Variants in RADIL observed in about 807,000 individuals in gnomAD.
RADIL encodes Rap associating with DIL domain.
Under a neutral mutation model 97.6 loss-of-function variants are expected in RADIL, and 99 were observed. The observed-to-expected ratio is 1.01, with a 90% CI of 0.86 to 1.20. The LOEUF is 1.20. Among genes scored for constraint, RADIL ranks in the 50% most tolerant of loss-of-function variants. RADIL has a pLI of 0.00. For synonymous variants in RADIL, 803 were observed against 691.8 expected, an observed-to-expected ratio of 1.16 and a Z score of -2.52; for missense variants, 1,765 against 1,498.9, an observed-to-expected ratio of 1.18 and a Z score of -2.93.
At chr7:4,831,846 C>G (rs993860128) in intron 5 of RADIL, among the ~76,000 whole-genome samples, 1 of 152,072 alleles carries the variant, frequency 6.6e-6, no homozygotes, top group Non-Finnish European at 1.5e-5. Flanking sequence ...AGAGATTGCA[C>G]CACTGCACTC....
chr7:4,797,909 G>C lies in RADIL; in HGVS notation c.*1469C>G, dbSNP rs565427677. The C allele has an allele frequency of 6.6e-6, 1 of 152,086 alleles. No homozygotes were observed. The highest frequency in any genetic ancestry group is 2.1e-4 in the South Asian group (1 of 4,824). 9.4% of individuals were successfully genotyped at this position (152,086 alleles called of 1,614,324 possible). A position where few individuals can be genotyped will look rare whatever the true frequency, so the allele number is the denominator to read the frequency against. On this transcript the variant is annotated 3_prime_UTR_variant, in exon 15 of 15. Transcript: ENST00000399583. ...GAATTGCTTGAACCTGGGAGGTGGA[G>C]GTTGCAGTGAGCTGAGATTGCACCA...
chr7:4,876,057 G>T (rs991193400), intron 2 of RADIL, among the ~76,000 whole-genome samples: 3 of 152,078 alleles, frequency 2.0e-5, no homozygotes, highest in Non-Finnish European at 4.4e-5. Context: ...AGAGTGCAGT[G>T]GTACAATCCT....
In RADIL at chr7:4,877,964, A is replaced by AGCTGGGTGGAGAGCTCG. The variant is rs747408853; in HGVS notation, c.159_175dup (p.Leu59ProfsTer13). On this transcript the variant is annotated frameshift_variant, in exon 2 of 15. Transcript: ENST00000399583. LOFTEE classifies it high-confidence loss of function. ...CACCTTCAGGACACCAGGGGCCGAC[A>AGCTGGGTGGAGAGCTCG]GCTGGGTGGAGAGCTCGGCGGGGTC... 1 of 1,611,536 alleles carries AGCTGGGTGGAGAGCTCG rather than the reference A, an allele frequency of 6.2e-7. No homozygotes were observed.
intron 2 of RADIL, among the ~76,000 whole-genome samples, chr7:4,866,297 A>G (rs1784129537): frequency 6.6e-6 from 1 of 152,148 alleles, no homozygotes. Context: ...GCACCCAGCC[A>G]CATCTTTGTT....
chr7:4,821,479 C>T lies in RADIL; in HGVS notation c.1615+915G>A. Among the ~76,000 whole-genome samples the T allele has an allele frequency of 6.6e-6, 1 of 152,234 alleles. No individual in the cohort carries two copies. Among genetic ancestry groups the T allele is most frequent in the Non-Finnish European group, 1.5e-5 (1 of 68,048 alleles). On this transcript the variant is annotated intron_variant, in intron 6 of 14. Transcript: ENST00000399583. This position sits in a 1 kb window ranked among gnomAD's most constrained non-coding sequence, Gnocchi z 5.2. ...CTACCCCGGCTTCCGGGCCCGGCCC[C>T]ATGCCACCTTCCTCTCGAAGCCCCC...
Position 4,835,147 on chromosome 7 carries a change from G to GA in RADIL, c.875_876insT (p.Ile293HisfsTer118). 6.2e-7 allele frequency: 1 copy of GA among 1,610,872 alleles called. No individual in the cohort carries two copies. Among genetic ancestry groups the GA allele is most frequent in the Non-Finnish European group, 8.5e-7 (1 of 1,179,062 alleles). ...GGATGGTGCAGTGTAGAGGCAGGAT[G>GA]TCGGGGGCTGAGAGGCTGATGCTGG... On this transcript the variant is annotated frameshift_variant, in exon 4 of 15. Coordinates refer to ENST00000399583, the MANE Select transcript of RADIL (RefSeq NM_018059.5). LOFTEE classifies it high-confidence loss of function. This position sits in a 1 kb window ranked among gnomAD's most constrained non-coding sequence, Gnocchi z 5.8.
At chr7:4,806,903 T>G (rs970870570) in intron 9 of RADIL, among the ~76,000 whole-genome samples, 1 of 152,172 alleles carries the variant, frequency 6.6e-6, no homozygotes, top group African/African-American at 2.4e-5. Flanking sequence ...GGGTCTGCCT[T>G]GTACTGATTC....
At chr7:4,816,808 C>G (rs1043109546) in intron 7 of RADIL, among the ~76,000 whole-genome samples, 36 of 152,116 alleles carry the variant, frequency 2.4e-4, no homozygotes. Flanking sequence ...TCACCACTCC[C>G]CCAGAAAGTG....
chr7:4,870,082 G>A (rs542873664), intron 2 of RADIL, among the ~76,000 whole-genome samples: 1 of 152,370 alleles, frequency 6.6e-6, no homozygotes, highest in Admixed American at 6.5e-5. Context: ...CGAGGCTGCA[G>A]TGAGCCATGA....
At chr7:4,809,561 AC>A in intron 9 of RADIL, 1 of 985,410 alleles carries the variant, frequency 1.0e-6, no homozygotes, top group African/African-American at 1.7e-5. Flanking sequence ...CCCAGGCACC[AC>A]GGCAGGTCCC....
At position 4,817,923 on chromosome 7, in the gene RADIL, G is replaced by A. The variant is rs1258562260; in HGVS notation, c.1616-572C>T. Among the ~76,000 whole-genome samples, 1 of 152,208 alleles carries A rather than the reference G, an allele frequency of 6.6e-6. No homozygotes were observed. Among genetic ancestry groups the A allele is most frequent in the African/African-American group, 2.4e-5 (1 of 41,454 alleles). On this transcript the variant is annotated intron_variant, in intron 6 of 14. Transcript: ENST00000399583. The surrounding 1 kb of genome is among the most constrained non-coding windows in gnomAD (Gnocchi z 8.3). ...TCTGGGTGGGGGCTCTTGTGAAGGT[G>A]GGAGGCCCCCAACAGGGTGGAGCCT...
chr7:4,861,831 A>ACCACC, intron 2 of RADIL: 3 of 1,262,570 alleles, frequency 2.4e-6, no homozygotes, highest in Non-Finnish European at 2.0e-6. Context: ...CCGCCCCGCC[A>ACCACC]GGGCACGTCC....
chr7:4,846,507 G>A (rs1464897102), intron 2 of RADIL, among the ~76,000 whole-genome samples: 1 of 149,188 alleles, frequency 6.7e-6, no homozygotes, highest in African/African-American at 2.5e-5. Flanking sequence ...TTGCCATCTA[G>A]AAAATGATTC....
chr7:4,812,608 G>A (rs561231201), intron 9 of RADIL, among the ~76,000 whole-genome samples: 11 of 152,132 alleles, frequency 7.2e-5, no homozygotes, highest in African/African-American at 2.7e-4. Context: ...TTTTAGTTGA[G>A]ACGGGGTATT....
intron 5 of RADIL, among the ~76,000 whole-genome samples, chr7:4,825,883 GAA>G (rs540147941): frequency 1.0e-3 from 52 of 51,024 alleles, no homozygotes; most frequent in African/African-American, 2.3e-3. Context: ...CTCCGTCTCA[GAA>G]AAAAAAAAAA....
rs369420829 is a variant in RADIL, at chr7:4,832,147, G to T, written c.1448C>A (p.Ala483Glu). 1.2e-6 allele frequency: 2 copies of T among 1,610,358 alleles called. No individual in the cohort carries two copies. The highest frequency in any genetic ancestry group is 1.7e-6 in the Non-Finnish European group (2 of 1,177,736). The change falls in exon 5 of 15, where the codon GCG (alanine) becomes GAG (glutamate). Residue 483 changes from alanine (A) to glutamate (E), a missense_variant. Coordinates refer to ENST00000399583, the MANE Select transcript of RADIL (RefSeq NM_018059.5). Reference sequence around the variant, plus strand: ...ATAACCGGGTCATACTCACAGTTGCGCCTGCTTCTCTGCTAGTTCTTTGGT... The same window carrying T: ...ATAACCGGGTCATACTCACAGTTGCTCCTGCTTCTCTGCTAGTTCTTTGGT... The part of the protein sequence containing the change: ...EKTKELAEKQ[A>E]QLQEPISLAS...
intron 5 of RADIL, among the ~76,000 whole-genome samples, chr7:4,830,120 G>A (rs9655042): frequency 0.34 from 51,258 of 152,052 alleles, 10,262 homozygotes; most frequent in African/African-American, 0.56. Flanking sequence ...TTGGCTGTGA[G>A]TATCATACGT....
At chr7:4,843,693 C>A (rs1783500519) in intron 2 of RADIL, among the ~76,000 whole-genome samples, 1 of 152,110 alleles carries the variant, frequency 6.6e-6, no homozygotes, top group Non-Finnish European at 1.5e-5. Flanking sequence ...AGGTGGATCA[C>A]CTGAGGTCAG....
Position 4,836,499 on chromosome 7 carries a change from T to C in RADIL, c.642A>G (p.Thr214=). ...CTGGGCTCAGGCTGGTCTCACTGAC[T>C]GTGCGGCGCAACCGGGGTGGAGGAG... The part of the protein sequence containing the change: ...RSSPPPRLRR[T]VSETSLSPVN... The change falls in exon 3 of 15, where the codon ACA becomes ACG. Residue 214 remains threonine (T), a synonymous_variant. Coordinates refer to ENST00000399583, the MANE Select transcript of RADIL (RefSeq NM_018059.5). 1.2e-6 allele frequency: 2 copies of C among 1,607,470 alleles called. No homozygotes were observed. Among genetic ancestry groups the C allele is most frequent in the Admixed American group, 1.7e-5 (1 of 59,258 alleles).
Sources: allele counts gnomAD v4.1 joint callset (sites outside exome capture counted in the v4.1 genomes callset), GRCh38; gene constraint gnomAD v4.1.1; non-coding constraint Gnocchi (gnomAD v3.1); transcripts MANE v1.5; gene names NCBI Gene and HGNC (gene_info 2026-07-23, HGNC 2026-07-21).